LYST: variants seen among roughly 807,000 people sequenced by gnomAD.
The protein encoded by LYST is lysosomal trafficking regulator.
A neutral mutation model predicts 413.6 loss-of-function variants in LYST; 192 were observed. That is an observed-to-expected ratio of 0.46 (90% CI 0.41 to 0.52). LYST has a LOEUF of 0.52. Ranked by LOEUF, LYST falls within the 20% of genes least tolerant of loss-of-function variation. The pLI, the probability that LYST is intolerant of heterozygous loss-of-function variation, is 0.00. For missense variants in LYST, 3,815 were observed against 4,499.9 expected (o/e 0.85, Z 4.35); for synonymous variants, 1,525 against 1,567.3 (o/e 0.97, Z 0.64).
chr1:235,682,107 C>T (rs1425380434), intron 48 of LYST, among the ~76,000 whole-genome samples: 2 of 152,102 alleles, frequency 1.3e-5, no homozygotes, highest in South Asian at 2.1e-4. Flanking sequence ...CCCAGGAGCT[C>T]GAGAATAGCC....
intron 28 of LYST, chr1:235,747,197 T>C (rs1202252111): frequency 2.2e-6 from 1 of 449,122 alleles, no homozygotes; most frequent in Non-Finnish European, 4.5e-6. Context: ...ACACAGGTAG[T>C]GCATCCAGGA....
At chr1:235,848,381 G>A (rs1678133191) in intron 1 of LYST, among the ~76,000 whole-genome samples, 1 of 152,112 alleles carries the variant, frequency 6.6e-6, no homozygotes, top group East Asian at 1.9e-4. Context: ...TGGAGCAAGG[G>A]TGGTGCTAAG....
Position 235,708,386 on chromosome 1 carries a change from T to A in LYST, c.10143+705A>T, listed in dbSNP as rs371795606. Among the ~76,000 whole-genome samples the A allele has an allele frequency of 5.9e-5, 9 of 152,196 alleles. No individual in the cohort carries two copies. In the East Asian group the frequency reaches 1.4e-3, roughly 23 times the overall value. Reference sequence around the variant, plus strand: ...ATGTAGGATAGTGTGCGGAAAAGAGTTAACATAGCAAGATTGACTGCTATC... The same window carrying A: ...ATGTAGGATAGTGTGCGGAAAAGAGATAACATAGCAAGATTGACTGCTATC... On this transcript the variant is annotated intron_variant, in intron 44 of 52. Coordinates refer to ENST00000389793, the MANE Select transcript of LYST (RefSeq NM_000081.4).
chr1:235,736,998 C>G (rs987735004), intron 31 of LYST: 1 of 151,640 alleles, frequency 6.6e-6, no homozygotes, highest in African/African-American at 2.4e-5. Context: ...ATTAAGCAAA[C>G]AAACAAAAAC....
chr1:235,734,407 C>A lies in LYST; in HGVS notation c.8535+76G>T, dbSNP rs752292065. ...AGTTCATCATCAATGATAGCCTGTT[C>A]TTAAAAAAGTAGTGTCAATCATTCT... On this transcript the variant is annotated intron_variant, in intron 32 of 52. Coordinates refer to ENST00000389793, the MANE Select transcript of LYST (RefSeq NM_000081.4). 691 of 1,149,522 alleles carry A rather than the reference C, an allele frequency of 6.0e-4. 2 individuals are homozygous for A. The highest frequency in any genetic ancestry group is 5.5e-4 in the Non-Finnish European group (418 of 757,998). The allele number at this position is 1,149,522 out of a possible 1,614,324, so 71.2% of individuals were successfully genotyped here.
chr1:235,707,000 G>A (rs192793688), intron 44 of LYST, among the ~76,000 whole-genome samples: 11 of 152,328 alleles, frequency 7.2e-5, no homozygotes, highest in Non-Finnish European at 1.0e-4. Context: ...AACGCTTGTA[G>A]ATTTGCTACA....
intron 20 of LYST, among the ~76,000 whole-genome samples, chr1:235,769,145 T>C (rs1668416421): frequency 6.6e-6 from 1 of 152,020 alleles, no homozygotes; most frequent in South Asian, 2.1e-4. Flanking sequence ...CTAATTTATA[T>C]GGAAAGGGCA....
intron 2 of LYST, 95 bp from the exon 3 acceptor site, chr1:235,830,519 G>A: frequency 9.9e-7 from 1 of 1,006,292 alleles, no homozygotes; most frequent in Non-Finnish European, 1.5e-6. Context: ...TCTAACTGAA[G>A]ATTGGCTTAA....
intron 1 of LYST, among the ~76,000 whole-genome samples, chr1:235,845,061 C>A (rs974324256): frequency 5.3e-5 from 8 of 152,130 alleles, no homozygotes; most frequent in Non-Finnish European, 1.0e-4. Context: ...GCTCCAGATC[C>A]ACTGCAAGAA....
intron 28 of LYST, among the ~76,000 whole-genome samples, chr1:235,749,286 C>T (rs1444829167): frequency 2.0e-5 from 3 of 152,082 alleles, no homozygotes; most frequent in Non-Finnish European, 4.4e-5. Context: ...ACAATCTTCT[C>T]CAAGTATATG....
Position 235,812,895 on chromosome 1 carries a change from T to A in LYST, c.283+76A>T, listed in dbSNP as rs1673610955. 7 of 844,166 alleles carry A rather than the reference T, an allele frequency of 8.3e-6. No individual in the cohort carries two copies. The East Asian group carries it at 1.8e-4, about 22-fold the overall frequency. 52.3% of individuals were successfully genotyped at this position (844,166 alleles called of 1,614,324 possible). ...ATAGTGTTCTGAATCTGAATCAGAA[T>A]CAAACATTCAGGCAGAAGTAACTTT... On this transcript the variant is annotated intron_variant, in intron 4 of 52. Coordinates refer to ENST00000389793, the MANE Select transcript of LYST (RefSeq NM_000081.4).
intron 29 of LYST, among the ~76,000 whole-genome samples, chr1:235,745,535 T>C (rs1302955713): frequency 2.0e-5 from 3 of 152,206 alleles, no homozygotes; most frequent in Non-Finnish European, 4.4e-5. Context: ...ACTACACATG[T>C]AATTACCGTA....
rs1362783408 is a variant in LYST, at chr1:235,702,840, G to A, written c.10281C>T (p.Leu3427=). ...MAHVSRPGAK[L]NIEGELPAAV... ...CAGCTGGAAGCTCTCCTTCAATATTGAGCTTGGCTCCAGGTCTGCTCACAT... is the reference window on the plus strand; with the variant it reads ...CAGCTGGAAGCTCTCCTTCAATATTAAGCTTGGCTCCAGGTCTGCTCACAT... The change falls in exon 45 of 53, where the codon CTC becomes CTT. Residue 3427 remains leucine, a synonymous_variant. Coordinates refer to ENST00000389793, the MANE Select transcript of LYST (RefSeq NM_000081.4). The A allele has an allele frequency of 1.9e-6, 3 of 1,614,148 alleles. No homozygotes were observed. The East Asian group carries it at 6.7e-5, about 36-fold the overall frequency.
intron 19 of LYST, among the ~76,000 whole-genome samples, chr1:235,773,586 T>C (rs1572213850): frequency 6.6e-6 from 1 of 152,256 alleles, no homozygotes; most frequent in Admixed American, 6.5e-5. Flanking sequence ...TTATATGAGA[T>C]CCTTAGATTA....
rs551491071 is a variant in LYST at position 235,858,818 on chromosome 1, G to T, written c.-98+8025C>A. 2.0e-5 allele frequency among the ~76,000 whole-genome samples: 3 copies of T among 152,038 alleles called. No individual in the cohort carries two copies. In the East Asian group the frequency reaches 5.8e-4, roughly 29 times the overall value. On this transcript the variant is annotated intron_variant, in intron 1 of 52. Transcript: ENST00000389793. ...GTTATGGGGGTGGGGAAGGGGAGTG[G>T]TCCAAGTTCAGTCTATTTGTTTTCT...
intron 48 of LYST, among the ~76,000 whole-genome samples, chr1:235,683,246 T>C (rs1228793117): frequency 6.6e-6 from 1 of 152,274 alleles, no homozygotes; most frequent in African/African-American, 2.4e-5. Flanking sequence ...AGCAGGTCTC[T>C]TGTGCTGGCA....
chr1:235,673,609 A>G (rs547151442), intron 50 of LYST, among the ~76,000 whole-genome samples: 43 of 152,134 alleles, frequency 2.8e-4, no homozygotes, highest in African/African-American at 8.9e-4. Flanking sequence ...ACTCATCTCT[A>G]TTACTATCCC....
In LYST at chr1:235,762,444, TA is replaced by T. The variant is rs141911495; in HGVS notation, c.6253+275del. On this transcript the variant is annotated intron_variant, in intron 22 of 52. Transcript: ENST00000389793. ...ATGGTTTTAGGTAGACAGAAGAGAA[TA>T]AAAGTTTTTAAAAAGCTTCTGAAGA... is the stretch of plus-strand genomic sequence containing the variant. 2.9e-3 allele frequency among the ~76,000 whole-genome samples: 434 copies of T among 152,240 alleles called. 6 individuals are homozygous for T. The East Asian group carries it at 0.03, about 11-fold the overall frequency.
chr1:235,728,020 T>A (rs1664047732), intron 38 of LYST, 56 bp downstream of exon 38: 1 of 1,212,754 alleles, frequency 8.2e-7, no homozygotes. Context: ...ACTGAATTGA[T>A]ACATTTTTGG....
Sources: gnomAD v4.1 joint callset for allele counts (sites outside exome capture counted in the v4.1 genomes callset) on GRCh38, gnomAD v4.1.1 for gene constraint, MANE v1.5 for transcripts, NCBI Gene and HGNC (gene_info 2026-07-23, HGNC 2026-07-21) for gene names.